ABLIM2: variants seen among roughly 807,000 people sequenced by gnomAD.
ABLIM2 encodes actin binding LIM protein family member 2.
A neutral mutation model predicts 97.7 loss-of-function variants in ABLIM2; 53 were observed. The ratio of observed to expected loss-of-function variants is 0.54; its 90% CI spans 0.44 to 0.68. The LOEUF (loss-of-function observed/expected upper bound fraction) is 0.68. ABLIM2 is among the 30% of genes least tolerant of loss of function. The pLI, the probability that ABLIM2 is intolerant of heterozygous loss-of-function variation, is 0.00. For synonymous variants in ABLIM2, 361 were observed against 345.8 expected (o/e 1.04, Z -0.49); for missense variants, 835 against 867.2 (o/e 0.96, Z 0.47).
In ABLIM2 at chr4:8,061,153, A is replaced by G; in HGVS notation, c.676-99T>C. On this transcript the variant is annotated intron_variant, in intron 6 of 20. Coordinates refer to ENST00000447017, the MANE Select transcript of ABLIM2 (RefSeq NM_001130083.2). The surrounding 1 kb of genome is among the most constrained non-coding windows in gnomAD (Gnocchi z 4.5). ...GATACAGCATGCCCTGAGCACAGGT[A>G]CTCAGGGGATACTGGAAGGGCCAGC... 3 of 976,864 alleles carry G rather than the reference A, an allele frequency of 3.1e-6. No homozygotes were observed. The highest frequency in any genetic ancestry group is 4.7e-6 in the Non-Finnish European group (3 of 643,948). 60.5% of individuals were successfully genotyped at this position (976,864 alleles called of 1,614,324 possible). A position where few individuals can be genotyped will look rare whatever the true frequency, so the allele number is the denominator to read the frequency against.
In ABLIM2 at chr4:8,004,972, G is replaced by A. The variant is rs1159300070; in HGVS notation, c.1618+3087C>T. ...CATAAAGTCCTCTGGCTTCCCTGCT[G>A]GGGAACAGGGACTGGGCCATGCTCA... On this transcript the variant is annotated intron_variant, in intron 16 of 20. Transcript: ENST00000447017. This position sits in a 1 kb window ranked among gnomAD's most constrained non-coding sequence, Gnocchi z 5.9. Among the ~76,000 whole-genome samples the A allele has an allele frequency of 6.6e-6, 1 of 152,200 alleles. No individual in the cohort carries two copies. The highest frequency in any genetic ancestry group is 1.5e-5 in the Non-Finnish European group (1 of 68,036).
chr4:7,999,035 T>C lies in ABLIM2; in HGVS notation c.1619-6108A>G, dbSNP rs1462621532. On this transcript the variant is annotated intron_variant, in intron 16 of 20. Transcript: ENST00000447017. The surrounding 1 kb of genome is among the most constrained non-coding windows in gnomAD (Gnocchi z 4.4). ...TAGATGTTAAAGGTCCCAGGGATGC[T>C]GTGCACAACCAGCGCTGAGAATCAC... Among the ~76,000 whole-genome samples the C allele has an allele frequency of 6.6e-6, 1 of 152,218 alleles. No individual in the cohort carries two copies. The highest frequency in any genetic ancestry group is 2.1e-4 in the South Asian group (1 of 4,832).
At position 8,085,370 on chromosome 4, in the gene ABLIM2, C is replaced by T. The variant is rs1229415256; in HGVS notation, c.454+2799G>A. On this transcript the variant is annotated intron_variant, in intron 4 of 20. Coordinates refer to ENST00000447017, the MANE Select transcript of ABLIM2 (RefSeq NM_001130083.2). The surrounding 1 kb of genome is among the most constrained non-coding windows in gnomAD (Gnocchi z 6.1). ...TTGCTCCTCACGGCCTCCAGATGTACCGAGAACACCACGGCGTGGCTTTGG... is the reference window on the plus strand; with the variant it reads ...TTGCTCCTCACGGCCTCCAGATGTATCGAGAACACCACGGCGTGGCTTTGG... Among the ~76,000 whole-genome samples the T allele has an allele frequency of 1.3e-5, 2 of 152,208 alleles. No homozygotes were observed. Among genetic ancestry groups the T allele is most frequent in the African/African-American group, 4.8e-5 (2 of 41,460 alleles).
chr4:8,013,864 G>A (rs1766771107), intron 14 of ABLIM2, among the ~76,000 whole-genome samples: 1 of 152,234 alleles, frequency 6.6e-6, no homozygotes, highest in Non-Finnish European at 1.5e-5. Context: ...TGCAGCCTCA[G>A]GTGCACGGAG....
intron 17 of ABLIM2, among the ~76,000 whole-genome samples, chr4:7,985,266 C>T (rs1009860378): frequency 1.3e-5 from 2 of 152,226 alleles, no homozygotes; most frequent in East Asian, 1.9e-4. Context: ...CATTTCTTTG[C>T]GCACGCTGCG....
chr4:8,059,039 T>C (rs1580112444), intron 7 of ABLIM2, among the ~76,000 whole-genome samples: 3 of 152,004 alleles, frequency 2.0e-5, no homozygotes, highest in African/African-American at 7.2e-5. Context: ...TCTCATCCAT[T>C]GCGATGGTCC....
rs1290578188 is a variant in ABLIM2 at position 8,061,094 on chromosome 4, C to A, written c.676-40G>T. 5.2e-6 allele frequency: 8 copies of A among 1,545,790 alleles called. No individual in the cohort carries two copies. Among genetic ancestry groups the A allele is most frequent in the Non-Finnish European group, 5.3e-6 (6 of 1,141,022 alleles). On this transcript the variant is annotated intron_variant, in intron 6 of 20. Coordinates refer to ENST00000447017, the MANE Select transcript of ABLIM2 (RefSeq NM_001130083.2). This position sits in a 1 kb window ranked among gnomAD's most constrained non-coding sequence, Gnocchi z 4.5. ...CAAAGCAGAATGTTTCTACTAAAGC[C>A]AGAAAGGTCGGCTGGGTCCCAGCGC...
intron 1 of ABLIM2, among the ~76,000 whole-genome samples, chr4:8,133,644 G>GCCCCTCA (rs1849754941): frequency 6.6e-6 from 1 of 152,112 alleles, no homozygotes; most frequent in South Asian, 2.1e-4. Context: ...CGCTCTCCTC[G>GCCCCTCA]CCCCTCACCC....
At chr4:8,013,928 C>T (rs1489978566) in intron 14 of ABLIM2, among the ~76,000 whole-genome samples, 1 of 152,208 alleles carries the variant, frequency 6.6e-6, no homozygotes, top group African/African-American at 2.4e-5. Flanking sequence ...AGAGAGGGCC[C>T]TACCAGCTCC....
chr4:8,048,333 C>A (rs1793879814), intron 8 of ABLIM2, among the ~76,000 whole-genome samples: 1 of 152,212 alleles, frequency 6.6e-6, no homozygotes, highest in Non-Finnish European at 1.5e-5. Flanking sequence ...CTTGTTCAGA[C>A]CCACAGAAAT....
rs1199493075 is a variant in ABLIM2, at chr4:8,019,792, A to T, written c.1370-121T>A. 1.0e-6 allele frequency: 1 copy of T among 989,302 alleles called. No individual in the cohort carries two copies. Among genetic ancestry groups the T allele is most frequent in the African/African-American group, 1.6e-5 (1 of 61,272 alleles). The allele number at this position is 989,302 out of a possible 1,614,324, so 61.3% of individuals were successfully genotyped here. A position where few individuals can be genotyped will look rare whatever the true frequency, so the allele number is the denominator to read the frequency against. On this transcript the variant is annotated intron_variant, in intron 13 of 20. Transcript: ENST00000447017. This position sits in a 1 kb window ranked among gnomAD's most constrained non-coding sequence, Gnocchi z 4.3. Reference sequence around the variant, plus strand: ...TCACCCAGATTTAGAATCATCAGGCAGGAACTGGCACCCAGCGAGCGACAG... The same window carrying T: ...TCACCCAGATTTAGAATCATCAGGCTGGAACTGGCACCCAGCGAGCGACAG...
chr4:7,984,714 T>TC (rs1560417042), intron 18 of ABLIM2, 125 bp downstream of exon 18: 2 of 1,054,104 alleles, frequency 1.9e-6, no homozygotes, highest in Admixed American at 5.2e-5. Flanking sequence ...CCCCGAGGTG[T>TC]CCCCGCCCGG....
At chr4:8,094,834 T>A (rs547838560) in intron 3 of ABLIM2, among the ~76,000 whole-genome samples, 1 of 152,268 alleles carries the variant, frequency 6.6e-6, no homozygotes, top group African/African-American at 2.4e-5. Flanking sequence ...TGCTGATTTT[T>A]ACTATTACTT....
chr4:8,087,230 G>A lies in ABLIM2; in HGVS notation c.454+939C>T, dbSNP rs112157210. Among the ~76,000 whole-genome samples the A allele has an allele frequency of 4.6e-5, 7 of 152,288 alleles. No homozygotes were observed. The highest frequency in any genetic ancestry group is 3.4e-3 in the Middle Eastern group (1 of 294). ...TCTGCACCAGGTGCCTGGCAGCGGC[G>A]GGGCCTGGTTTGCTGGGCTTCCCTC... On this transcript the variant is annotated intron_variant, in intron 4 of 20. Coordinates refer to ENST00000447017, the MANE Select transcript of ABLIM2 (RefSeq NM_001130083.2). This position sits in a 1 kb window ranked among gnomAD's most constrained non-coding sequence, Gnocchi z 4.6.
intron 18 of ABLIM2, 24 bp downstream of exon 18, chr4:7,984,815 C>T: frequency 6.3e-7 from 1 of 1,576,418 alleles, no homozygotes; most frequent in Non-Finnish European, 8.6e-7. Flanking sequence ...AGCCAGAGAC[C>T]CACAGGGTCC....
At chr4:8,134,214 T>C (rs2152935349) in intron 1 of ABLIM2, among the ~76,000 whole-genome samples, 1 of 152,328 alleles carries the variant, frequency 6.6e-6, no homozygotes, top group Middle Eastern at 3.4e-3. Context: ...AGGCCAGGAC[T>C]AAGCATGCCA....
chr4:8,016,522 C>A (rs1014823461), intron 14 of ABLIM2, among the ~76,000 whole-genome samples: 1 of 152,176 alleles, frequency 6.6e-6, no homozygotes, highest in Admixed American at 6.5e-5. Context: ...AGAAAGGAAG[C>A]TCCCCACGAT....
chr4:7,997,661 G>T (rs532322475), intron 16 of ABLIM2, among the ~76,000 whole-genome samples: 1 of 152,230 alleles, frequency 6.6e-6, no homozygotes, highest in East Asian at 1.9e-4. Flanking sequence ...GCAATTGCGT[G>T]TTCTAGACTC....
intron 8 of ABLIM2, among the ~76,000 whole-genome samples, chr4:8,052,897 A>G (rs1157040395): frequency 6.6e-6 from 1 of 152,196 alleles, no homozygotes; most frequent in Non-Finnish European, 1.5e-5. Flanking sequence ...GGAATGGATG[A>G]GGTCTACGGG....
Sources: allele counts gnomAD v4.1 joint callset (sites outside exome capture counted in the v4.1 genomes callset), GRCh38; gene constraint gnomAD v4.1.1; non-coding constraint Gnocchi (gnomAD v3.1); transcripts MANE v1.5; gene names NCBI Gene and HGNC (gene_info 2026-07-23, HGNC 2026-07-21).